Variants in PSMD11 observed in about 807,000 individuals in gnomAD.
PSMD11 encodes 26S proteasome non-ATPase regulatory subunit 11.
Under a neutral mutation model 62.3 loss-of-function variants are expected in PSMD11, and 5 were observed. The observed-to-expected ratio is 0.08, with a 90% confidence interval of 0.04 to 0.17. The LOEUF is 0.17. Ranked by LOEUF, PSMD11 falls within the 10% of genes least tolerant of loss-of-function variation. The probability of loss-of-function intolerance (pLI) is 1.00; values close to 1 mark genes in which losing one functional copy is unlikely to be tolerated. For missense variants in PSMD11, 310 were observed against 512.9 expected, an observed-to-expected ratio of 0.60 and a Z score of 3.82; for synonymous variants, 191 against 191.8, an observed-to-expected ratio of 1.00 and a Z score of 0.03.
intron 3 of PSMD11, 150 bp downstream of exon 3, chr17:32,454,769 G>A (rs1215975019): frequency 2.4e-6 from 2 of 822,280 alleles, no homozygotes; most frequent in Non-Finnish European, 1.8e-6. Flanking sequence ...TTGTTACAGG[G>A]CATTTGATAC....
chr17:32,463,983 CA>C, intron 3 of PSMD11, 65 bp from the exon 4 acceptor site: 1 of 1,460,014 alleles, frequency 6.8e-7, no homozygotes, highest in Non-Finnish European at 9.6e-7. Flanking sequence ...AGCTGTTCTC[CA>C]AAGCATGGTT....
intron 8 of PSMD11, among the ~76,000 whole-genome samples, chr17:32,475,646 C>T (rs1255944387): frequency 5.3e-5 from 8 of 149,806 alleles, no homozygotes; most frequent in Non-Finnish European, 1.2e-4. Flanking sequence ...TTCATTCAGG[C>T]TGGAGTGCAG....
chr17:32,468,893 G>T (rs1416991475), intron 5 of PSMD11, 106 bp from the exon 6 acceptor site: 1 of 1,038,730 alleles, frequency 9.6e-7, no homozygotes. Flanking sequence ...TTGAGTTCAG[G>T]AATTTTTTTT....
intron 3 of PSMD11, among the ~76,000 whole-genome samples, chr17:32,456,756 C>T (rs530745313): frequency 6.6e-6 from 1 of 152,348 alleles, no homozygotes; most frequent in African/African-American, 2.4e-5. Flanking sequence ...TGGTCTTGAT[C>T]TCCTGACCTC....
intron 2 of PSMD11, among the ~76,000 whole-genome samples, chr17:32,448,664 C>T (rs1297065403): frequency 6.6e-6 from 1 of 152,124 alleles, no homozygotes; most frequent in Non-Finnish European, 1.5e-5. Context: ...TGAGCCACTG[C>T]ACCTGGCCAA....
At chr17:32,466,103 C>A (rs1255675881) in intron 5 of PSMD11, among the ~76,000 whole-genome samples, 1 of 152,174 alleles carries the variant, frequency 6.6e-6, no homozygotes, top group Non-Finnish European at 1.5e-5. Flanking sequence ...TCAAGCGATT[C>A]TCCTGTCTCG....
At chr17:32,457,532 G>C (rs973665748) in intron 3 of PSMD11, among the ~76,000 whole-genome samples, 2 of 152,160 alleles carry the variant, frequency 1.3e-5, no homozygotes, top group Non-Finnish European at 2.9e-5. Flanking sequence ...CACTACGCCC[G>C]GCTAAGGCTG....
intron 9 of PSMD11, among the ~76,000 whole-genome samples, chr17:32,478,560 G>T (rs1034878974): frequency 2.0e-5 from 3 of 152,094 alleles, no homozygotes; most frequent in Non-Finnish European, 4.4e-5. Context: ...TTAGATATTT[G>T]GGAAATACTA....
intron 3 of PSMD11, 74 bp downstream of exon 3, chr17:32,454,693 A>G: frequency 3.3e-6 from 5 of 1,502,754 alleles, no homozygotes; most frequent in Non-Finnish European, 4.5e-6. Flanking sequence ...GCCTACCTGC[A>G]CTTTAGTACT....
chr17:32,444,737 CCGGGCCGGG>C (rs1445629579), intron 1 of PSMD11, 123 bp downstream of exon 1: 3 of 1,261,690 alleles, frequency 2.4e-6, no homozygotes, highest in Non-Finnish European at 3.3e-6. Context: ...GTGAGGGGGG[CCGGGCCGGG>C]GGCGCAGGCC....
intron 7 of PSMD11, among the ~76,000 whole-genome samples, chr17:32,474,471 A>G (rs1425189488): frequency 6.6e-6 from 1 of 152,222 alleles, no homozygotes; most frequent in Non-Finnish European, 1.5e-5. Context: ...TACCTGTTAC[A>G]CTGGGATTTG....
chr17:32,460,715 G>T (rs1275673229), intron 3 of PSMD11, among the ~76,000 whole-genome samples: 1 of 150,506 alleles, frequency 6.6e-6, no homozygotes, highest in African/African-American at 2.4e-5. Flanking sequence ...GGAGCTTGCA[G>T]TGAGCGCCAC....
chr17:32,465,087 T>C (rs1302802004), intron 5 of PSMD11, among the ~76,000 whole-genome samples: 1 of 151,610 alleles, frequency 6.6e-6, no homozygotes, highest in Non-Finnish European at 1.5e-5. Flanking sequence ...TTCTCTGCTT[T>C]TTTTTTTTAA....
chr17:32,467,100 A>G (rs2090261293), intron 5 of PSMD11, among the ~76,000 whole-genome samples: 1 of 151,408 alleles, frequency 6.6e-6, no homozygotes, highest in Admixed American at 6.6e-5. Flanking sequence ...ACGCACCACC[A>G]TGCTCGGCTA....
chr17:32,470,614 T>C (rs1363670730), intron 6 of PSMD11, among the ~76,000 whole-genome samples: 1 of 152,278 alleles, frequency 6.6e-6, no homozygotes, highest in Non-Finnish European at 1.5e-5. Context: ...ATAAACCTCA[T>C]GTGCCAGCCA....
chr17:32,472,156 CTG>C lies in PSMD11; in HGVS notation c.644-1642_644-1641del, dbSNP rs565030533. On this transcript the variant is annotated intron_variant, in intron 6 of 13. Transcript: ENST00000261712. ...GTGTTGAGATTACAGATGTGAGCCA[CTG>C]TGCCTGGCAGAGCAGGTTCTTTATC... is the stretch of plus-strand genomic sequence containing the variant. Among the ~76,000 whole-genome samples the C allele has an allele frequency of 2.0e-5, 3 of 151,716 alleles. No individual in the cohort carries two copies. The South Asian group carries it at 6.3e-4, about 32-fold the overall frequency.
chr17:32,457,399 G>A (rs9908963), intron 3 of PSMD11, among the ~76,000 whole-genome samples: 25,045 of 151,742 alleles, frequency 0.17, 2,567 homozygotes, highest in African/African-American at 0.28. Flanking sequence ...CACCACACTC[G>A]GCTAATTTTT....
At chr17:32,457,147 A>G (rs1907676389) in intron 3 of PSMD11, among the ~76,000 whole-genome samples, 2 of 152,224 alleles carry the variant, frequency 1.3e-5, no homozygotes, top group Admixed American at 1.3e-4. Context: ...TATAAAGTAA[A>G]GACCTTTCTT....
intron 2 of PSMD11, 61 bp from the exon 3 acceptor site, chr17:32,454,434 A>C (rs1038498583): frequency 5.1e-6 from 8 of 1,579,756 alleles, no homozygotes; most frequent in Non-Finnish European, 8.7e-7. Context: ...CAGTTTCTTA[A>C]GTGGGTATTT....
Sources: allele counts gnomAD v4.1 joint callset (sites outside exome capture counted in the v4.1 genomes callset), GRCh38; gene constraint gnomAD v4.1.1; transcripts MANE v1.5; gene names NCBI Gene and HGNC (gene_info 2026-07-23, HGNC 2026-07-21).